Variants in TNS4 observed in about 807,000 individuals in gnomAD.
The protein encoded by TNS4 is tensin 4, also known as tensin-4.
In TNS4, 46 loss-of-function variants were observed where a neutral mutation model predicts 70.4. That is an observed-to-expected ratio of 0.65 (90% CI 0.52 to 0.84). The LOEUF (loss-of-function observed/expected upper bound fraction) is 0.84, where lower values mean the gene tolerates loss of function less well. Ranked by LOEUF, TNS4 falls within the 40% of genes least tolerant of loss-of-function variation. The probability of loss-of-function intolerance (pLI) is 0.00; values close to 1 mark genes in which losing one functional copy is unlikely to be tolerated. For synonymous variants in TNS4, 390 were observed against 366.6 expected (o/e 1.06, Z -0.73); for missense variants, 863 against 907.0 (o/e 0.95, Z 0.62).
intron 2 of TNS4, among the ~76,000 whole-genome samples, chr17:40,494,012 C>G (rs565325980): frequency 2.6e-5 from 4 of 152,244 alleles, no homozygotes; most frequent in Non-Finnish European, 5.9e-5. Flanking sequence ...AGACCCTTGA[C>G]GGACAGTTTC....
chr17:40,480,218 G>A (rs1046903326), intron 9 of TNS4, among the ~76,000 whole-genome samples: 1 of 152,196 alleles, frequency 6.6e-6, no homozygotes, highest in African/African-American at 2.4e-5. Flanking sequence ...AGACAAGAAT[G>A]GGGAAGGAAA....
chr17:40,496,431 G>A lies in TNS4; in HGVS notation c.-6C>T, dbSNP rs1597701553. ...CTGGACATCACCTGGGACATGGTGG[G>A]GGTGGTGACCTCTGCAGTTTACCTC... On this transcript the variant is annotated 5_prime_UTR_variant, in exon 2 of 13. Transcript: ENST00000254051. The A allele has an allele frequency of 6.2e-7, 1 of 1,610,168 alleles. No homozygotes were observed. Among genetic ancestry groups the A allele is most frequent in the Non-Finnish European group, 8.5e-7 (1 of 1,179,322 alleles).
At chr17:40,479,131 T>C (rs1458298927) in intron 10 of TNS4, among the ~76,000 whole-genome samples, 1 of 152,066 alleles carries the variant, frequency 6.6e-6, no homozygotes, top group Non-Finnish European at 1.5e-5. Flanking sequence ...GAATACTAGT[T>C]AACTCCATTT....
chr17:40,479,626 G>A (rs745978668), intron 10 of TNS4, 48 bp downstream of exon 10: 4 of 1,586,906 alleles, frequency 2.5e-6, no homozygotes, highest in Non-Finnish European at 3.4e-6. Flanking sequence ...ATCCCCTCCA[G>A]CTCTACTCCG....
intron 8 of TNS4, among the ~76,000 whole-genome samples, chr17:40,481,620 C>CAG (rs754276239): frequency 1.2e-4 from 18 of 152,248 alleles, no homozygotes; most frequent in Non-Finnish European, 2.2e-4. Flanking sequence ...CCCGCCTTGG[C>CAG]CTCCCGAAGT....
At chr17:40,482,276 T>A (rs779095941) in intron 7 of TNS4, 48 bp downstream of exon 7, 24 of 1,613,866 alleles carry the variant, frequency 1.5e-5, no homozygotes, top group Admixed American at 5.0e-5. Flanking sequence ...CAACGGAGAC[T>A]TCGCTGGCCC....
At chr17:40,492,756 G>T (rs2036091073) in intron 2 of TNS4, among the ~76,000 whole-genome samples, 1 of 152,006 alleles carries the variant, frequency 6.6e-6, no homozygotes, top group African/African-American at 2.4e-5. Flanking sequence ...AGCCAGGTTG[G>T]CAGGGCATGG....
At chr17:40,491,768 T>C (rs1325371356) in intron 2 of TNS4, among the ~76,000 whole-genome samples, 2 of 151,882 alleles carry the variant, frequency 1.3e-5, no homozygotes, top group Non-Finnish European at 2.9e-5. Context: ...TTTACTGGCC[T>C]GTGGGGCAAG....
In TNS4 at chr17:40,487,937, G is replaced by GC. The variant is rs1338398899; in HGVS notation, c.864-478dup. Among the ~76,000 whole-genome samples, 7 of 152,394 alleles carry GC rather than the reference G, an allele frequency of 4.6e-5. No homozygotes were observed. In the East Asian group the frequency reaches 1.3e-3, roughly 29 times the overall value. ...CTTCTTCCTGAGCTCAGGGGCCTGTGCCAGTGGGCATGGCTGTGGAATCCC... is the reference window on the plus strand; with the variant it reads ...CTTCTTCCTGAGCTCAGGGGCCTGTGCCCAGTGGGCATGGCTGTGGAATCCC... On this transcript the variant is annotated intron_variant, in intron 3 of 12. Coordinates refer to ENST00000254051, the MANE Select transcript of TNS4 (RefSeq NM_032865.6).
intron 8 of TNS4, among the ~76,000 whole-genome samples, chr17:40,481,662 A>G (rs113372688): frequency 0.089 from 13,595 of 152,298 alleles, 611 homozygotes; most frequent in Middle Eastern, 0.16. Context: ...CACCACGCCC[A>G]GCCCTTATTT....
rs747247313 is a variant in TNS4 at position 40,482,347 on chromosome 17, C to T, written c.1571G>A (p.Gly524Glu). The T allele has an allele frequency of 2.5e-6, 4 of 1,614,144 alleles. No individual in the cohort carries two copies. Among genetic ancestry groups the T allele is most frequent in the Non-Finnish European group, 3.4e-6 (4 of 1,180,034 alleles). ...ESSAKGVHLK[G>E]ADEEPYFGSL... is the part of the protein sequence containing the mutation. ...ACCAAAGTAGGGCTCCTCATCTGCTCCTTTGAGATGCACTCCTTTGGCAGA... is the reference window on the plus strand; with the variant it reads ...ACCAAAGTAGGGCTCCTCATCTGCTTCTTTGAGATGCACTCCTTTGGCAGA... Residue 524 changes from glycine (G) to glutamate (E), a missense_variant, in exon 7 of 13, where the codon GGA (glycine) becomes GAA (glutamate). By Grantham distance (98) the Gly-to-Glu change is moderately conservative (BLOSUM62 -2). Coordinates refer to ENST00000254051, the MANE Select transcript of TNS4 (RefSeq NM_032865.6).
At chr17:40,486,753 G>C (rs543102413) in intron 4 of TNS4, among the ~76,000 whole-genome samples, 1 of 152,160 alleles carries the variant, frequency 6.6e-6, no homozygotes, top group African/African-American at 2.4e-5. Flanking sequence ...ATCCAGCTCG[G>C]ATGTCGCTTC....
chr17:40,478,687 C>A, intron 10 of TNS4, 39 bp from the exon 11 acceptor site: 1 of 1,602,998 alleles, frequency 6.2e-7, no homozygotes, highest in Non-Finnish European at 8.5e-7. Context: ...CGATGACAGC[C>A]TGTCCCAGTG....
At chr17:40,486,939 G>C in intron 4 of TNS4, 97 bp downstream of exon 4, 1 of 1,459,584 alleles carries the variant, frequency 6.9e-7, no homozygotes, top group Non-Finnish European at 9.4e-7. Context: ...CACAATAGTT[G>C]CTCAATAAAT....
Position 40,488,946 on chromosome 17 carries a change from A to C in TNS4, c.463T>G (p.Ser155Ala). The change falls in exon 3 of 13, where the codon TCC becomes GCC. Residue 155 changes from serine (S) to alanine (A), a missense_variant. Ser to Ala is a moderately conservative substitution (Grantham distance 99, BLOSUM62 1). Coordinates refer to ENST00000254051, the MANE Select transcript of TNS4 (RefSeq NM_032865.6). ...ALDIKYIEVT[S>A]ARSRCHDGPQ... Reference sequence around the variant, plus strand: ...CCATCGTGGCACCTTGATCTGGCGGAGGTCACCTCGATGTACTTTATGTCT... The same window carrying C: ...CCATCGTGGCACCTTGATCTGGCGGCGGTCACCTCGATGTACTTTATGTCT... The C allele has an allele frequency of 6.3e-7, 1 of 1,590,784 alleles. No homozygotes were observed. Among genetic ancestry groups the C allele is most frequent in the Middle Eastern group, 1.7e-4 (1 of 5,880 alleles).
chr17:40,478,709 C>T, intron 10 of TNS4, 61 bp from the exon 11 acceptor site: 2 of 1,577,632 alleles, frequency 1.3e-6, no homozygotes, highest in South Asian at 1.1e-5. Flanking sequence ...CATCCTGCCT[C>T]CAGCATCTCT....
intron 2 of TNS4, among the ~76,000 whole-genome samples, chr17:40,495,183 T>C (rs2036126872): frequency 6.6e-6 from 1 of 152,118 alleles, no homozygotes. Context: ...AGGTAATAAA[T>C]ACTTAAAATT....
rs77828379 is a variant in TNS4, at chr17:40,495,850, G to A, written c.439+137C>T. ...CCCTTTGTGTAGCACAGAAAACAGA[G>A]GGGTTAGTAACTTGGTTAGGTTTGC... is the stretch of plus-strand genomic sequence containing the variant. On this transcript the variant is annotated intron_variant, in intron 2 of 12. Coordinates refer to ENST00000254051, the MANE Select transcript of TNS4 (RefSeq NM_032865.6). 2,232 of 817,312 alleles carry A rather than the reference G, an allele frequency of 2.7e-3. 66 individuals are homozygous for A. In the East Asian group the frequency reaches 0.056, roughly 20 times the overall value. The allele number at this position is 817,312 out of a possible 1,614,324, so 50.6% of individuals were successfully genotyped here. A position where few individuals can be genotyped will look rare whatever the true frequency, so the allele number is the denominator to read the frequency against.
In TNS4 at chr17:40,488,635, C is replaced by T; in HGVS notation, c.774G>A (p.Lys258=). The change falls in exon 3 of 13, where the codon AAG becomes AAA. Residue 258 remains lysine (K), a synonymous_variant. Coordinates refer to ENST00000254051, the MANE Select transcript of TNS4 (RefSeq NM_032865.6). ...SPLVASPRLE[K]RLGGLAPQRG... ...GCTGTGGGGCCAGGCCTCCCAGCCG[C>T]TTCTCCAGTCTTGGAGAAGCCACCA... The T allele has an allele frequency of 6.5e-7, 1 of 1,532,464 alleles. No homozygotes were observed. The allele number at this position is 1,532,464 out of a possible 1,614,324, so 94.9% of individuals were successfully genotyped here.
Sources: gnomAD v4.1 joint callset for allele counts (sites outside exome capture counted in the v4.1 genomes callset) on GRCh38, gnomAD v4.1.1 for gene constraint, MANE v1.5 for transcripts, NCBI Gene and HGNC (gene_info 2026-07-23, HGNC 2026-07-21) for gene names.